The following AGPAT5 variants were observed in gnomAD, a reference collection of about 807,000 sequenced individuals.
The protein encoded by AGPAT5 is 1-acylglycerol-3-phosphate O-acyltransferase 5, also known as 1-acyl-sn-glycerol-3-phosphate acyltransferase epsilon.
Under a neutral mutation model 45.6 loss-of-function variants are expected in AGPAT5, and 46 were observed. That is an observed-to-expected ratio of 1.01 (90% CI 0.80 to 1.29). The LOEUF (loss-of-function observed/expected upper bound fraction) is 1.29, where lower values mean the gene tolerates loss of function less well. Ranked by LOEUF, AGPAT5 falls within the 50% of genes most tolerant of loss-of-function variation. The pLI, the probability that AGPAT5 is intolerant of heterozygous loss-of-function variation, is 0.00. For missense variants in AGPAT5, 673 were observed against 450.7 expected, an observed-to-expected ratio of 1.49 and a Z score of -4.47; for synonymous variants, 272 against 167.0, an observed-to-expected ratio of 1.63 and a Z score of -4.85.
chr8:6,730,562 C>T (rs1800827421), intron 2 of AGPAT5, 149 bp from the exon 3 acceptor site: 1 of 225,092 alleles, frequency 4.4e-6, no homozygotes, highest in Non-Finnish European at 7.7e-6. Context: ...GATCTCCTGA[C>T]CTCGTGATCC....
chr8:6,718,498 C>T (rs1169408714), intron 1 of AGPAT5, among the ~76,000 whole-genome samples: 2 of 98,196 alleles, frequency 2.0e-5, no homozygotes, highest in Non-Finnish European at 4.0e-5. Flanking sequence ...TTGTAACATC[C>T]TTCTGGAAAA....
At chr8:6,748,949 A>C (rs1464342359) in intron 6 of AGPAT5, among the ~76,000 whole-genome samples, 1 of 152,210 alleles carries the variant, frequency 6.6e-6, no homozygotes, top group African/African-American at 2.4e-5. Context: ...AATTTTATAG[A>C]GTAATATTTT....
At chr8:6,738,357 C>T (rs555307338) in intron 4 of AGPAT5, 1 of 152,284 alleles carries the variant, frequency 6.6e-6, no homozygotes, top group East Asian at 1.9e-4. Flanking sequence ...GAAAGAGAGA[C>T]AGGAGAACAG....
At chr8:6,732,137 C>T (rs904505450) in intron 3 of AGPAT5, among the ~76,000 whole-genome samples, 2 of 151,332 alleles carry the variant, frequency 1.3e-5, no homozygotes, top group Non-Finnish European at 2.9e-5. Flanking sequence ...ACATAAATAT[C>T]TTTAGCAGGA....
At chr8:6,751,602 G>A (rs1206444022) in intron 6 of AGPAT5, among the ~76,000 whole-genome samples, 4 of 152,234 alleles carry the variant, frequency 2.6e-5, no homozygotes, top group South Asian at 2.1e-4. Flanking sequence ...CATTTTAAGG[G>A]AGGTATAAAT....
intron 6 of AGPAT5, among the ~76,000 whole-genome samples, chr8:6,751,604 G>A (rs1587065995): frequency 6.6e-6 from 1 of 152,184 alleles, no homozygotes; most frequent in East Asian, 1.9e-4. Context: ...TTTTAAGGGA[G>A]GTATAAATCA....
At chr8:6,747,520 C>G (rs1389351371) in intron 5 of AGPAT5, 150 bp from the exon 6 acceptor site, 3 of 718,786 alleles carry the variant, frequency 4.2e-6, no homozygotes, top group Non-Finnish European at 6.7e-6. Flanking sequence ...AGAGTGCTTT[C>G]TAAACTTAGA....
chr8:6,741,478 T>A (rs1243951198), intron 4 of AGPAT5, among the ~76,000 whole-genome samples, 183 bp from the exon 5 acceptor site: 4 of 152,180 alleles, frequency 2.6e-5, no homozygotes, highest in Non-Finnish European at 5.9e-5. Flanking sequence ...TCACGTTATG[T>A]TCATATTTAA....
intron 1 of AGPAT5, 42 bp downstream of exon 1, chr8:6,708,929 C>T (rs1239343148): frequency 3.2e-6 from 5 of 1,558,038 alleles, no homozygotes; most frequent in African/African-American, 2.7e-5. Context: ...TCCACCCGAG[C>T]TCCCGGGGGC....
At chr8:6,756,761 G>T (rs530464432) in intron 7 of AGPAT5, among the ~76,000 whole-genome samples, 9 of 152,102 alleles carry the variant, frequency 5.9e-5, no homozygotes, top group Admixed American at 6.5e-5. Flanking sequence ...CAGAGGGACC[G>T]CTGTCTAAGA....
At chr8:6,722,527 G>A (rs1032208649) in intron 1 of AGPAT5, among the ~76,000 whole-genome samples, 1 of 152,160 alleles carries the variant, frequency 6.6e-6, no homozygotes, top group South Asian at 2.1e-4. Flanking sequence ...ATTGTGTTAT[G>A]GAGGCTAAGG....
At chr8:6,755,267 G>T in intron 7 of AGPAT5, 93 bp downstream of exon 7, 1 of 1,290,420 alleles carries the variant, frequency 7.7e-7, no homozygotes, top group Non-Finnish European at 1.1e-6. Flanking sequence ...TGGTTATATT[G>T]TCTCAAGAAT....
In AGPAT5 at chr8:6,728,148, A is replaced by G. The variant is rs1480030142; in HGVS notation, c.290-2563A>G. Among the ~76,000 whole-genome samples the G allele has an allele frequency of 3.9e-5, 6 of 152,260 alleles. No individual in the cohort carries two copies. In the East Asian group the frequency reaches 1.2e-3, roughly 29 times the overall value. ...GAGGAAATTAGACTTGCTGCCCCTC[A>G]CTGCCTTCCACTCCTCTCCTCCAAG... On this transcript the variant is annotated intron_variant, in intron 2 of 7. Coordinates refer to ENST00000285518, the MANE Select transcript of AGPAT5 (RefSeq NM_018361.5).
In AGPAT5 at chr8:6,747,829, G is replaced by A. The variant is rs1554514208; in HGVS notation, c.745+1G>A. ...CGAAGAGAGTCACCGACCATGACGG[G>A]TAAGTGTGTTCACGCACCTGAAATG... is the stretch of plus-strand genomic sequence containing the variant. On this transcript the variant is annotated splice_donor_variant, in intron 6 of 7. Coordinates refer to ENST00000285518, the MANE Select transcript of AGPAT5 (RefSeq NM_018361.5). LOFTEE classifies it high-confidence loss of function. 6.2e-7 allele frequency: 1 copy of A among 1,613,728 alleles called. No individual in the cohort carries two copies. Among genetic ancestry groups the A allele is most frequent in the Non-Finnish European group, 8.5e-7 (1 of 1,179,842 alleles).
At position 6,735,101 on chromosome 8, in the gene AGPAT5, C is replaced by T. The variant is rs551571708; in HGVS notation, c.495+2451C>T. Among the ~76,000 whole-genome samples the T allele has an allele frequency of 3.7e-4, 56 of 152,300 alleles. No homozygotes were observed. In the South Asian group the frequency reaches 0.011, roughly 31 times the overall value. ...GGGGTGGAGCCTTCTCTGATCCTGC[C>T]TTGCTTCTGGCTGTAAGTCTGTGCC... is the stretch of plus-strand genomic sequence containing the variant. On this transcript the variant is annotated intron_variant, in intron 4 of 7. Transcript: ENST00000285518.
chr8:6,718,859 A>G (rs923819845), intron 1 of AGPAT5, among the ~76,000 whole-genome samples: 1 of 152,222 alleles, frequency 6.6e-6, no homozygotes, highest in Admixed American at 6.5e-5. Context: ...TCAGCAACAT[A>G]TAGGCTTATG....
intron 3 of AGPAT5, among the ~76,000 whole-genome samples, chr8:6,731,922 G>A (rs2911975): frequency 6.6e-6 from 1 of 152,180 alleles, no homozygotes; most frequent in South Asian, 2.1e-4. Flanking sequence ...CCCAAGCACC[G>A]CTGGCACTGC....
Position 6,735,848 on chromosome 8 carries a change from C to CTTTTTTTTTTTTTTTTTTT in AGPAT5, c.495+3198_495+3199insTTTTTTTTTTTTTTTTTTT, listed in dbSNP as rs1563295313. ...GTGTTCCTGTTTATTCTTTATATAG[C>CTTTTTTTTTTTTTTTTTTT]CTTTTTTTTTTTTTTTTTTTTTTTG... On this transcript the variant is annotated intron_variant, in intron 4 of 7. Coordinates refer to ENST00000285518, the MANE Select transcript of AGPAT5 (RefSeq NM_018361.5). Among the ~76,000 whole-genome samples, 11 of 53,616 alleles carry CTTTTTTTTTTTTTTTTTTT rather than the reference C, an allele frequency of 2.1e-4. 3 individuals are homozygous for CTTTTTTTTTTTTTTTTTTT. Among genetic ancestry groups the CTTTTTTTTTTTTTTTTTTT allele is most frequent in the Admixed American group, 2.9e-4 (1 of 3,418 alleles). The allele number at this position is 53,616 out of a possible 152,430, so 35.2% of individuals were successfully genotyped here. A position where few individuals can be genotyped will look rare whatever the true frequency, so the allele number is the denominator to read the frequency against.
At chr8:6,745,346 G>A (rs1357789185) in intron 5 of AGPAT5, 3 of 154,248 alleles carry the variant, frequency 1.9e-5, no homozygotes, top group Non-Finnish European at 4.4e-5. Context: ...CTCCAATTCT[G>A]AAATAACTAA....
Sources: gnomAD v4.1 joint callset for allele counts (sites outside exome capture counted in the v4.1 genomes callset) on GRCh38, gnomAD v4.1.1 for gene constraint, MANE v1.5 for transcripts, NCBI Gene and HGNC (gene_info 2026-07-23, HGNC 2026-07-21) for gene names.